Variants in RTL4 observed in about 807,000 individuals in gnomAD.
RTL4 encodes retrotransposon Gag-like protein 4.
RTL4 carries 4 observed loss-of-function variants against 5.3 expected under a neutral mutation model. That is an observed-to-expected ratio of 0.75 (90% CI 0.37 to 1.72). The LOEUF is 1.72. RTL4 is among the 40% of genes most tolerant of loss of function. RTL4 has a pLI of 0.04. For missense variants in RTL4, 260 were observed against 227.1 expected, an observed-to-expected ratio of 1.14 and a Z score of -0.93; for synonymous variants, 98 against 87.3, an observed-to-expected ratio of 1.12 and a Z score of -0.68.
the RTL4 span, among the ~76,000 whole-genome samples, chrX:112,426,090 T>G: frequency 9.0e-6 from 1 of 111,572 alleles, no homozygotes; most frequent in African/African-American, 3.2e-5. Context: ...ATGATACATT[T>G]AGTGTTAATT....
the RTL4 span, among the ~76,000 whole-genome samples, chrX:112,390,402 G>A: frequency 5.8e-5 from 6 of 104,326 alleles, no homozygotes; most frequent in African/African-American, 1.4e-4. Context: ...TAGTGAGCCC[G>A]GATCATGCCA....
the RTL4 span, among the ~76,000 whole-genome samples, chrX:112,117,788 A>T: frequency 6.3e-5 from 7 of 111,719 alleles, no homozygotes; most frequent in Admixed American, 6.7e-4. Flanking sequence ...AAGTTTAAAA[A>T]CATATTTATA....
chrX:112,234,553 C>T, the RTL4 span, among the ~76,000 whole-genome samples: 2 of 111,850 alleles, frequency 1.8e-5, no homozygotes, highest in Admixed American at 9.5e-5. Flanking sequence ...GTGGTCGACT[C>T]GCCAAGGTTT....
chrX:112,243,985 T>C, the RTL4 span, among the ~76,000 whole-genome samples: 4 of 112,132 alleles, frequency 3.6e-5, no homozygotes, highest in African/African-American at 1.3e-4. Flanking sequence ...GGTTGTTCAG[T>C]TTCCATGTAA....
the RTL4 span, among the ~76,000 whole-genome samples, chrX:112,309,443 G>C: frequency 9.0e-6 from 1 of 110,806 alleles, no homozygotes; most frequent in Non-Finnish European, 1.9e-5. Context: ...TTGGAAGGGG[G>C]TACAATTCAG....
At chrX:112,194,749 A>G in the RTL4 span, among the ~76,000 whole-genome samples, 1 of 112,045 alleles carries the variant, frequency 8.9e-6, no homozygotes, top group Non-Finnish European at 1.9e-5. Context: ...AAATCATAAC[A>G]ATTATCGTGT....
the RTL4 span, among the ~76,000 whole-genome samples, chrX:112,131,535 A>C: frequency 1.8e-5 from 2 of 111,854 alleles, no homozygotes; most frequent in East Asian, 5.6e-4. Context: ...GAGATTTCAG[A>C]TGAAGATGCA....
At chrX:112,183,126 C>T in the RTL4 span, among the ~76,000 whole-genome samples, 1 of 112,202 alleles carries the variant, frequency 8.9e-6, no homozygotes, top group Non-Finnish European at 1.9e-5. Flanking sequence ...GATATTTTGT[C>T]ACCACCAGGC....
the RTL4 span, among the ~76,000 whole-genome samples, chrX:112,308,495 G>T: frequency 9.0e-6 from 1 of 111,578 alleles, no homozygotes; most frequent in Non-Finnish European, 1.9e-5. Context: ...AGTAGCAATT[G>T]TAGCTCTCTG....
chrX:112,432,344 C>A, the RTL4 span, among the ~76,000 whole-genome samples: 3 of 87,081 alleles, frequency 3.4e-5, no homozygotes, highest in Non-Finnish European at 6.9e-5. Flanking sequence ...TACAGTCCCA[C>A]CAACAGTGTA....
the RTL4 span, among the ~76,000 whole-genome samples, chrX:112,106,570 C>T: frequency 8.9e-6 from 1 of 112,016 alleles, no homozygotes; most frequent in African/African-American, 3.2e-5. Flanking sequence ...CATGGTGGTT[C>T]TATTTTTAGT....
chrX:112,382,217 CAAAGTAA>C, the RTL4 span: 17 of 1,136,324 alleles, frequency 1.5e-5, no homozygotes, highest in African/African-American at 2.7e-4. Context: ...AGGATTAATC[CAAAGTAA>C]CTCCTAAAAT....
chrX:112,307,295 T>G, the RTL4 span, among the ~76,000 whole-genome samples: 2 of 112,024 alleles, frequency 1.8e-5, no homozygotes, highest in African/African-American at 6.5e-5. Context: ...TGGAGGATGT[T>G]GAAATTCAGA....
the RTL4 span, among the ~76,000 whole-genome samples, chrX:112,407,463 C>G: frequency 1.3e-3 from 141 of 111,675 alleles, no homozygotes; most frequent in African/African-American, 4.4e-3. Context: ...TCTTGTAGTT[C>G]GAGTGCCACT....
At chrX:112,143,219 G>C in the RTL4 span, among the ~76,000 whole-genome samples, 6 of 111,656 alleles carry the variant, frequency 5.4e-5, no homozygotes, top group African/African-American at 2.0e-4. Flanking sequence ...GCTGCCGTAG[G>C]ATAAGTCAGT....
the RTL4 span, among the ~76,000 whole-genome samples, chrX:112,407,855 T>C: frequency 8.9e-6 from 1 of 112,732 alleles, no homozygotes; most frequent in Non-Finnish European, 1.9e-5. Context: ...CAATAGTTTC[T>C]GCCTGCTAAA....
the RTL4 span, among the ~76,000 whole-genome samples, chrX:112,361,270 T>C: frequency 8.1e-5 from 9 of 111,382 alleles, no homozygotes; most frequent in Admixed American, 7.6e-4. Flanking sequence ...CATATATATA[T>C]ACAATTAGCA....
At chrX:112,129,042 T>C in the RTL4 span, among the ~76,000 whole-genome samples, 2 of 111,331 alleles carry the variant, frequency 1.8e-5, no homozygotes, top group African/African-American at 6.5e-5. Flanking sequence ...GAATAGACGT[T>C]TACCCAAAGA....
chrX:112,381,309 A>G, the RTL4 span: 1 of 1,210,172 alleles, frequency 8.3e-7, no homozygotes, highest in Non-Finnish European at 1.1e-6. Flanking sequence ...CTTCCACCGT[A>G]TCATAGTCTA....
Sources: gnomAD v4.1 joint callset for allele counts (sites outside exome capture counted in the v4.1 genomes callset) on GRCh38, gnomAD v4.1.1 for gene constraint, MANE v1.5 for transcripts, NCBI Gene and HGNC (gene_info 2026-07-23, HGNC 2026-07-21) for gene names.